The following SLC23A2 variants were observed in gnomAD, a reference collection of about 807,000 sequenced individuals.
The protein encoded by SLC23A2 is solute carrier family 23 member 2, also known as Na(+)/L-ascorbic acid transporter 2.
SLC23A2 carries 36 observed loss-of-function variants against 73.3 expected under a neutral mutation model. That is an observed-to-expected ratio of 0.49 (90% CI 0.38 to 0.65). The LOEUF (loss-of-function observed/expected upper bound fraction) is 0.65. Among genes scored for constraint, SLC23A2 ranks in the 30% least tolerant of loss-of-function variants. SLC23A2 has a pLI of 0.00. For missense variants in SLC23A2, 507 were observed against 841.6 expected, an observed-to-expected ratio of 0.60 and a Z score of 4.92; for synonymous variants, 343 against 327.3, an observed-to-expected ratio of 1.05 and a Z score of -0.52.
intron 1 of SLC23A2, among the ~76,000 whole-genome samples, chr20:4,991,057 T>G (rs1238936303): frequency 1.3e-5 from 2 of 150,088 alleles, no homozygotes; most frequent in Non-Finnish European, 3.0e-5. Flanking sequence ...CAGTTAGTAA[T>G]AGCGGGTGGG....
intron 2 of SLC23A2, among the ~76,000 whole-genome samples, chr20:4,937,402 A>C (rs1380488930): frequency 2.0e-5 from 3 of 152,176 alleles, no homozygotes. Flanking sequence ...TCTTGGCCTT[A>C]ATACATGACA....
At chr20:4,920,598 T>C (rs955026615) in intron 3 of SLC23A2, among the ~76,000 whole-genome samples, 20 of 152,232 alleles carry the variant, frequency 1.3e-4, no homozygotes, top group Non-Finnish European at 2.5e-4. Context: ...ATCTATACCA[T>C]GGATCACTTT....
At position 4,859,279 on chromosome 20, in the gene SLC23A2, T is replaced by C. The variant is rs1182746879; in HGVS notation, c.1720+10A>G. ...AAAAAAAAAAAGTGTGTTTGATATA[T>C]ACCACGTACCTGGGATGGTGTTATC... On this transcript the variant is annotated intron_variant, in intron 16 of 16. Coordinates refer to ENST00000338244, the MANE Select transcript of SLC23A2 (RefSeq NM_005116.6). 6 of 1,471,496 alleles carry C rather than the reference T, an allele frequency of 4.1e-6. No homozygotes were observed. The highest frequency in any genetic ancestry group is 5.7e-6 in the Non-Finnish European group (6 of 1,055,454). The allele number at this position is 1,471,496 out of a possible 1,614,324, so 91.2% of individuals were successfully genotyped here. A position where few individuals can be genotyped will look rare whatever the true frequency, so the allele number is the denominator to read the frequency against.
At chr20:4,870,580 AAAAAAAAAG>A (rs922585239) in intron 11 of SLC23A2, among the ~76,000 whole-genome samples, 9 of 152,076 alleles carry the variant, frequency 5.9e-5, no homozygotes, top group Admixed American at 4.6e-4. Context: ...CCATCTCAAA[AAAAAAAAAG>A]AAGAAAAAGA....
intron 6 of SLC23A2, among the ~76,000 whole-genome samples, chr20:4,897,030 G>A (rs1350846474): frequency 6.6e-6 from 1 of 152,198 alleles, no homozygotes; most frequent in African/African-American, 2.4e-5. Flanking sequence ...AAGTCCCCTG[G>A]AGGATGCACT....
chr20:4,872,714 C>T lies in SLC23A2; in HGVS notation c.1102+1222G>A, dbSNP rs1568604541. ...GAAAAAGAATAGGTCTGTATAAATG[C>T]ACACTTAGACCATACAATCTGATGA... is the stretch of plus-strand genomic sequence containing the variant. On this transcript the variant is annotated intron_variant, in intron 11 of 16. Transcript: ENST00000338244. This position sits in a 1 kb window ranked among gnomAD's most constrained non-coding sequence, Gnocchi z 4.4. 6.6e-6 allele frequency among the ~76,000 whole-genome samples: 1 copy of T among 152,162 alleles called. No homozygotes were observed. The highest frequency in any genetic ancestry group is 1.5e-5 in the Non-Finnish European group (1 of 68,044).
At chr20:4,984,713 C>A (rs2087794671) in intron 1 of SLC23A2, among the ~76,000 whole-genome samples, 1 of 152,148 alleles carries the variant, frequency 6.6e-6, no homozygotes, top group Non-Finnish European at 1.5e-5. Flanking sequence ...AACCACTGCA[C>A]ACCCATTAGG....
intron 3 of SLC23A2, among the ~76,000 whole-genome samples, chr20:4,929,210 G>A (rs1932757736): frequency 6.6e-6 from 1 of 151,690 alleles, no homozygotes; most frequent in Admixed American, 6.6e-5. Context: ...AGACTGCAGT[G>A]AGCTGTGATT....
chr20:4,943,867 G>A (rs1193531268), intron 2 of SLC23A2, among the ~76,000 whole-genome samples: 2 of 152,154 alleles, frequency 1.3e-5, no homozygotes, highest in Admixed American at 6.5e-5. Flanking sequence ...GTCTGCTGAC[G>A]TGCCCGACAG....
At chr20:4,901,196 C>T (rs1469397319) in intron 5 of SLC23A2, among the ~76,000 whole-genome samples, 1 of 152,174 alleles carries the variant, frequency 6.6e-6, no homozygotes, top group Non-Finnish European at 1.5e-5. Flanking sequence ...ACTCAACAGA[C>T]ACCTGCCAGT....
upstream of SLC23A2, among the ~76,000 whole-genome samples, chr20:5,005,868 C>T (rs536394512): frequency 3.9e-3 from 597 of 152,036 alleles, 4 homozygotes; most frequent in African/African-American, 0.013. Flanking sequence ...TGCCTGTAGT[C>T]CCAGCTACTT....
rs181494029 is a variant in SLC23A2, at chr20:4,901,626, G to C, written c.324+816C>G. 2.8e-3 allele frequency among the ~76,000 whole-genome samples: 426 copies of C among 152,240 alleles called. 1 individual carries two copies. Among genetic ancestry groups the C allele is most frequent in the African/African-American group, 9.3e-3 (385 of 41,538 alleles). On this transcript the variant is annotated intron_variant, in intron 5 of 16. Coordinates refer to ENST00000338244, the MANE Select transcript of SLC23A2 (RefSeq NM_005116.6). Reference sequence around the variant, plus strand: ...ACCCACCTTGTCCCTGAGCCCGGCTGCCCTCCCCTCCCACTGGAAGCTGCA... The same window carrying C: ...ACCCACCTTGTCCCTGAGCCCGGCTCCCCTCCCCTCCCACTGGAAGCTGCA...
chr20:4,995,481 A>T (rs1427828549), intron 1 of SLC23A2, among the ~76,000 whole-genome samples: 1 of 152,072 alleles, frequency 6.6e-6, no homozygotes, highest in African/African-American at 2.4e-5. Context: ...GGACCTCTCC[A>T]CCTGACCCCC....
chr20:4,937,676 G>C (rs976704587), intron 2 of SLC23A2, among the ~76,000 whole-genome samples: 16 of 152,180 alleles, frequency 1.1e-4, no homozygotes, highest in African/African-American at 3.9e-4. Flanking sequence ...ATTCAAACTT[G>C]AATCAGTAAT....
rs550497797 is a variant in SLC23A2 at position 4,968,788 on chromosome 20, G to A, written c.-155+2005C>T. On this transcript the variant is annotated intron_variant, in intron 2 of 16. Transcript: ENST00000338244. ...GGCTGGAGCACGATGGCATGATCTC[G>A]GCTCACTGCAACCTCAGCCTCCTGA... Among the ~76,000 whole-genome samples the A allele has an allele frequency of 1.1e-4, 16 of 150,888 alleles. No homozygotes were observed. The East Asian group carries it at 1.8e-3, about 17-fold the overall frequency.
intron 3 of SLC23A2, among the ~76,000 whole-genome samples, chr20:4,922,673 C>T (rs149429313): frequency 1.3e-3 from 196 of 152,072 alleles, no homozygotes; most frequent in African/African-American, 4.5e-3. Flanking sequence ...CCAAAAAATA[C>T]GAAAATTAGC....
Position 4,872,755 on chromosome 20 carries a change from A to G in SLC23A2, c.1102+1181T>C, listed in dbSNP as rs1299885340. ...AATCTGATGAGAAAGTTATTTTAGAAAGATGAAACTTTTTTTTTTGAGACA... is the reference window on the plus strand; with the variant it reads ...AATCTGATGAGAAAGTTATTTTAGAGAGATGAAACTTTTTTTTTTGAGACA... On this transcript the variant is annotated intron_variant, in intron 11 of 16. Coordinates refer to ENST00000338244, the MANE Select transcript of SLC23A2 (RefSeq NM_005116.6). The surrounding 1 kb of genome is among the most constrained non-coding windows in gnomAD (Gnocchi z 4.4). Among the ~76,000 whole-genome samples, 1 of 147,836 alleles carries G rather than the reference A, an allele frequency of 6.8e-6. No homozygotes were observed. Among genetic ancestry groups the G allele is most frequent in the Non-Finnish European group, 1.5e-5 (1 of 66,214 alleles).
At chr20:4,879,383 G>T (rs1930787711) in intron 9 of SLC23A2, among the ~76,000 whole-genome samples, 1 of 119,914 alleles carries the variant, frequency 8.3e-6, no homozygotes, top group African/African-American at 3.6e-5. Context: ...ACTCCAGCCT[G>T]GGCAACCAGA....
intron 1 of SLC23A2, among the ~76,000 whole-genome samples, chr20:4,984,848 CAT>C (rs1310957661): frequency 6.6e-6 from 1 of 152,066 alleles, no homozygotes; most frequent in Non-Finnish European, 1.5e-5. Flanking sequence ...AAATGTTAAA[CAT>C]AGAATCGGCC....
Sources: allele counts gnomAD v4.1 joint callset (sites outside exome capture counted in the v4.1 genomes callset), GRCh38; gene constraint gnomAD v4.1.1; non-coding constraint Gnocchi (gnomAD v3.1); transcripts MANE v1.5; gene names NCBI Gene and HGNC (gene_info 2026-07-23, HGNC 2026-07-21).